Variants in MAP3K5 observed in about 807,000 individuals in gnomAD.
The protein encoded by MAP3K5 is ASK-1.
A neutral mutation model predicts 158.7 loss-of-function variants in MAP3K5; 56 were observed. That is an observed-to-expected ratio of 0.35 (90% CI 0.28 to 0.44). The LOEUF (loss-of-function observed/expected upper bound fraction) is 0.44, where lower values mean the gene tolerates loss of function less well. Among genes scored for constraint, MAP3K5 ranks in the 20% least tolerant of loss-of-function variants. The pLI is 1.00. For synonymous variants in MAP3K5, 579 were observed against 601.7 expected, an observed-to-expected ratio of 0.96 and a Z score of 0.55; for missense variants, 1,294 against 1,674.8, an observed-to-expected ratio of 0.77 and a Z score of 3.97.
intron 1 of MAP3K5, among the ~76,000 whole-genome samples, chr6:136,750,176 C>T (rs562792720): frequency 2.0e-5 from 3 of 152,152 alleles, no homozygotes; most frequent in Non-Finnish European, 4.4e-5. Flanking sequence ...CTCCTAGGTT[C>T]GAGCAATTCT....
At chr6:136,583,225 T>C (rs916327088) in intron 24 of MAP3K5, among the ~76,000 whole-genome samples, 1 of 152,220 alleles carries the variant, frequency 6.6e-6, no homozygotes, top group Admixed American at 6.5e-5. Flanking sequence ...TTAGAAAATG[T>C]ATGACTAAAG....
At chr6:136,738,596 A>G (rs1274394160) in intron 1 of MAP3K5, among the ~76,000 whole-genome samples, 1 of 152,222 alleles carries the variant, frequency 6.6e-6, no homozygotes, top group Non-Finnish European at 1.5e-5. Context: ...AATGAGGAGC[A>G]CAAAATGCAG....
chr6:136,669,433 A>C, intron 7 of MAP3K5, 38 bp from the exon 8 acceptor site: 1 of 1,196,604 alleles, frequency 8.4e-7, no homozygotes, highest in Non-Finnish European at 1.2e-6. Context: ...AACTTTCTCA[A>C]TCATGAAACC....
chr6:136,618,601 G>A (rs1201429355), intron 15 of MAP3K5, among the ~76,000 whole-genome samples: 1 of 152,220 alleles, frequency 6.6e-6, no homozygotes, highest in Non-Finnish European at 1.5e-5. Flanking sequence ...TTTGGCTGCA[G>A]CAATTTGATA....
At chr6:136,777,617 AAG>A (rs1784449714) in intron 1 of MAP3K5, among the ~76,000 whole-genome samples, 1 of 152,224 alleles carries the variant, frequency 6.6e-6, no homozygotes, top group African/African-American at 2.4e-5. Flanking sequence ...ATGTTTAAAA[AAG>A]AAATGTTATA....
At chr6:136,670,960 G>A (rs1191335778) in intron 7 of MAP3K5, among the ~76,000 whole-genome samples, 2 of 152,022 alleles carry the variant, frequency 1.3e-5, no homozygotes, top group African/African-American at 2.4e-5. Flanking sequence ...ACAGATATTC[G>A]AAACTATATC....
chr6:136,753,323 C>T (rs186616620), intron 1 of MAP3K5, among the ~76,000 whole-genome samples: 2 of 152,092 alleles, frequency 1.3e-5, no homozygotes, highest in Admixed American at 1.3e-4. Context: ...TTTCTTTTAC[C>T]ACAAAAGTAT....
At chr6:136,634,903 A>G (rs1188919848) in intron 14 of MAP3K5, among the ~76,000 whole-genome samples, 1 of 144,262 alleles carries the variant, frequency 6.9e-6, no homozygotes, top group East Asian at 2.0e-4. Context: ...TTTTTTTTTG[A>G]GACGGAGTTT....
At chr6:136,686,399 C>T (rs1243488033) in intron 7 of MAP3K5, among the ~76,000 whole-genome samples, 1 of 152,098 alleles carries the variant, frequency 6.6e-6, no homozygotes, top group East Asian at 1.9e-4. Flanking sequence ...TCCTATTCAA[C>T]ATAGTATTGG....
chr6:136,746,058 G>A (rs1044015304), intron 1 of MAP3K5, among the ~76,000 whole-genome samples: 3 of 152,214 alleles, frequency 2.0e-5, no homozygotes, highest in Admixed American at 6.5e-5. Flanking sequence ...GTCCAGGTGC[G>A]AAATGCTGAT....
intron 1 of MAP3K5, among the ~76,000 whole-genome samples, chr6:136,772,190 T>C (rs1784232515): frequency 1.3e-5 from 2 of 151,144 alleles, no homozygotes; most frequent in South Asian, 4.2e-4. Flanking sequence ...GTCCTGGGAT[T>C]ACAGGCGTGA....
chr6:136,629,617 G>A (rs545092291), intron 14 of MAP3K5, among the ~76,000 whole-genome samples: 47 of 152,108 alleles, frequency 3.1e-4, no homozygotes, highest in African/African-American at 1.1e-3. Flanking sequence ...ACCACACCCA[G>A]CTAATTTTTT....
rs778019644 is a variant in MAP3K5, at chr6:136,562,530, G to A, written c.3847C>T (p.His1283Tyr). The A allele has an allele frequency of 1.2e-6, 2 of 1,601,172 alleles. No individual in the cohort carries two copies. Among genetic ancestry groups the A allele is most frequent in the Non-Finnish European group, 1.7e-6 (2 of 1,172,572 alleles). Residue 1283 changes from histidine (H) to tyrosine (Y), a missense_variant, in exon 27 of 30, where the codon CAC becomes TAC. His to Tyr is a moderately conservative substitution (Grantham distance 83, BLOSUM62 2). Transcript: ENST00000359015. ...ATGGGTTGGGACTTAAGCTTCAGGT[G>A]TTTAATTTCTTGGTCTTTTTCTTCA... is the stretch of plus-strand genomic sequence containing the variant. ...AIEEKDQEIK[H>Y]LKLKSQPIEI...
intron 2 of MAP3K5, among the ~76,000 whole-genome samples, chr6:136,707,196 T>A (rs975601607): frequency 6.6e-6 from 1 of 152,140 alleles, no homozygotes; most frequent in African/African-American, 2.4e-5. Context: ...TACCTGACAA[T>A]CTTGCTGATA....
At chr6:136,675,564 T>C (rs1779668797) in intron 7 of MAP3K5, among the ~76,000 whole-genome samples, 1 of 152,122 alleles carries the variant, frequency 6.6e-6, no homozygotes. Flanking sequence ...TTAGAAGGTA[T>C]TTAAACTGAA....
intron 8 of MAP3K5, among the ~76,000 whole-genome samples, chr6:136,667,469 T>C (rs1779276438): frequency 1.3e-5 from 2 of 151,960 alleles, no homozygotes; most frequent in South Asian, 2.1e-4. Context: ...CCTGCAATCC[T>C]AGCACCTTGG....
rs151038928 is a variant in MAP3K5, at chr6:136,701,920, C to A, written c.612+3190G>T. ...CAGATATTATTATTGAAATACGGGG[C>A]AATGGGGAATACTGCACCTGTGTAA... On this transcript the variant is annotated intron_variant, in intron 3 of 29. Coordinates refer to ENST00000359015, the MANE Select transcript of MAP3K5 (RefSeq NM_005923.4). Among the ~76,000 whole-genome samples, 26 of 152,182 alleles carry A rather than the reference C, an allele frequency of 1.7e-4. No homozygotes were observed. The East Asian group carries it at 4.8e-3, about 28-fold the overall frequency.
chr6:136,594,804 G>C (rs1456189835), intron 21 of MAP3K5, among the ~76,000 whole-genome samples: 3 of 141,022 alleles, frequency 2.1e-5, no homozygotes, highest in African/African-American at 5.5e-5. Flanking sequence ...TTCCGTGTTT[G>C]TGTGTGTGTG....
intron 26 of MAP3K5, among the ~76,000 whole-genome samples, chr6:136,565,154 A>G (rs986753997): frequency 6.6e-6 from 1 of 152,220 alleles, no homozygotes; most frequent in Non-Finnish European, 1.5e-5. Flanking sequence ...CAGAGTATTG[A>G]CAGCCCACCT....
Sources: gnomAD v4.1 joint callset for allele counts (sites outside exome capture counted in the v4.1 genomes callset) on GRCh38, gnomAD v4.1.1 for gene constraint, MANE v1.5 for transcripts, NCBI Gene and HGNC (gene_info 2026-07-23, HGNC 2026-07-21) for gene names.